CSMD3: variants seen among roughly 807,000 people sequenced by gnomAD.
CSMD3 encodes the protein CUB and sushi domain-containing protein 3.
CSMD3 carries 177 observed loss-of-function variants against 435.2 expected under a neutral mutation model. That is an observed-to-expected ratio of 0.41 (90% CI 0.36 to 0.46). The LOEUF (loss-of-function observed/expected upper bound fraction) is 0.46. Among genes scored for constraint, CSMD3 ranks in the 20% least tolerant of loss-of-function variants. The pLI, the probability that CSMD3 is intolerant of heterozygous loss-of-function variation, is 0.34. For missense variants in CSMD3, 4,265 were observed against 4,504.6 expected, an observed-to-expected ratio of 0.95 and a Z score of 1.52; for synonymous variants, 1,656 against 1,520.5, an observed-to-expected ratio of 1.09 and a Z score of -2.07.
In CSMD3 at chr8:113,065,957, C is replaced by T. The variant is rs535110420; in HGVS notation, c.917+32799G>A. ...TTTTATATTATTTATTATATTGCTC[C>T]ATATTATATACCATATTGGGTATGT... On this transcript the variant is annotated intron_variant, in intron 5 of 70. Transcript: ENST00000297405. Among the ~76,000 whole-genome samples, 2 of 150,820 alleles carry T rather than the reference C, an allele frequency of 1.3e-5. 1 individual carries two copies. Among genetic ancestry groups the T allele is most frequent in the South Asian group, 4.2e-4 (2 of 4,792 alleles).
chr8:112,394,821 T>C (rs900229875), intron 35 of CSMD3, among the ~76,000 whole-genome samples: 5 of 152,194 alleles, frequency 3.3e-5, no homozygotes, highest in Admixed American at 2.0e-4. Flanking sequence ...AAATGCAAAA[T>C]GTAAGGACAA....
intron 3 of CSMD3, among the ~76,000 whole-genome samples, chr8:113,273,749 G>A (rs1309632316): frequency 1.3e-5 from 2 of 152,050 alleles, no homozygotes; most frequent in East Asian, 1.9e-4. Flanking sequence ...CTCATTTGTA[G>A]TGTTTTCTGA....
chr8:113,014,407 C>T (rs991450465), intron 6 of CSMD3, among the ~76,000 whole-genome samples: 9 of 152,040 alleles, frequency 5.9e-5, no homozygotes, highest in Non-Finnish European at 1.0e-4. Flanking sequence ...GCCTCATATG[C>T]CTACCGCTTG....
intron 1 of CSMD3, among the ~76,000 whole-genome samples, chr8:113,378,022 T>C (rs182564814): frequency 3.0e-4 from 46 of 152,286 alleles, no homozygotes; most frequent in Admixed American, 5.9e-4. Context: ...TAAATAAGGC[T>C]GATACAATGA....
chr8:112,482,985 T>C (rs774611919), intron 31 of CSMD3, among the ~76,000 whole-genome samples: 1 of 152,194 alleles, frequency 6.6e-6, no homozygotes, highest in Non-Finnish European at 1.5e-5. Context: ...CTTTTCTGCA[T>C]ACTATTTGTA....
chr8:113,270,746 G>A (rs910777052), intron 3 of CSMD3, among the ~76,000 whole-genome samples: 6 of 150,326 alleles, frequency 4.0e-5, no homozygotes, highest in African/African-American at 1.5e-4. Flanking sequence ...AACACCGCAT[G>A]TTCTCACTAA....
At chr8:112,403,567 C>T (rs957758805) in intron 35 of CSMD3, among the ~76,000 whole-genome samples, 5 of 151,998 alleles carry the variant, frequency 3.3e-5, no homozygotes, top group Non-Finnish European at 5.9e-5. Context: ...AGGGCTTGCT[C>T]GGTGCTTCAT....
chr8:112,417,835 G>T (rs1469911073), intron 32 of CSMD3, among the ~76,000 whole-genome samples: 1 of 152,078 alleles, frequency 6.6e-6, no homozygotes, highest in African/African-American at 2.4e-5. Flanking sequence ...CATCACAAAA[G>T]AAATAGTTCC....
At chr8:112,455,330 T>C (rs966937074) in intron 32 of CSMD3, among the ~76,000 whole-genome samples, 1 of 152,082 alleles carries the variant, frequency 6.6e-6, no homozygotes, top group African/African-American at 2.4e-5. Context: ...AGCAATTTAA[T>C]GTAGGAGGAG....
intron 32 of CSMD3, among the ~76,000 whole-genome samples, chr8:112,435,800 T>C (rs1814266951): frequency 6.6e-6 from 1 of 151,996 alleles, no homozygotes. Flanking sequence ...CTGAAAACAA[T>C]GTGCATTTTT....
chr8:113,116,599 A>G (rs555229325), intron 4 of CSMD3, among the ~76,000 whole-genome samples: 5 of 152,282 alleles, frequency 3.3e-5, no homozygotes, highest in African/African-American at 1.2e-4. Flanking sequence ...GCAACTTTGG[A>G]ACTGGGTAAA....
intron 7 of CSMD3, among the ~76,000 whole-genome samples, chr8:112,955,783 A>T (rs2083993632): frequency 6.6e-6 from 1 of 151,948 alleles, no homozygotes; most frequent in Non-Finnish European, 1.5e-5. Flanking sequence ...TTTATAGTGA[A>T]GGATGACAGC....
intron 24 of CSMD3, among the ~76,000 whole-genome samples, chr8:112,563,256 A>C (rs2131259375): frequency 6.6e-6 from 1 of 152,008 alleles, no homozygotes; most frequent in South Asian, 2.1e-4. Context: ...CAAAAATCAA[A>C]CTTTAAAGCT....
intron 13 of CSMD3, among the ~76,000 whole-genome samples, chr8:112,730,591 C>T (rs1455766685): frequency 6.6e-6 from 1 of 152,100 alleles, no homozygotes; most frequent in Non-Finnish European, 1.5e-5. Flanking sequence ...TTAATTCCCT[C>T]TTTTTCATGC....
At chr8:113,279,699 T>C (rs781485901) in intron 2 of CSMD3, among the ~76,000 whole-genome samples, 1 of 151,784 alleles carries the variant, frequency 6.6e-6, no homozygotes, top group Non-Finnish European at 1.5e-5. Context: ...TTTCATATAA[T>C]AGCTGTATCA....
intron 31 of CSMD3, among the ~76,000 whole-genome samples, chr8:112,490,581 C>A (rs1241836781): frequency 6.6e-6 from 1 of 152,042 alleles, no homozygotes; most frequent in Non-Finnish European, 1.5e-5. Flanking sequence ...AATCATTTAT[C>A]CCTGCGATTA....
At chr8:113,340,724 T>A (rs1004506406) in intron 1 of CSMD3, among the ~76,000 whole-genome samples, 4 of 151,856 alleles carry the variant, frequency 2.6e-5, no homozygotes, top group Non-Finnish European at 4.4e-5. Context: ...ATACAAAAAA[T>A]TAGCCAGGTG....
rs562980236 is a variant in CSMD3 at position 113,103,382 on chromosome 8, G to A, written c.710-4419C>T. On this transcript the variant is annotated intron_variant, in intron 4 of 70. Transcript: ENST00000297405. ...CATTTAATTTTTCATATATGTATAT[G>A]TATACACATTTACATAGCCCAGATG... Among the ~76,000 whole-genome samples, 4 of 152,204 alleles carry A rather than the reference G, an allele frequency of 2.6e-5. No homozygotes were observed. The South Asian group carries it at 8.3e-4, about 31-fold the overall frequency.
intron 2 of CSMD3, among the ~76,000 whole-genome samples, chr8:113,303,719 C>G (rs1171624754): frequency 7.4e-6 from 1 of 135,612 alleles, no homozygotes; most frequent in Non-Finnish European, 1.6e-5. Context: ...ATGTAGAAAG[C>G]TGAAACTGGA....
Sources: allele counts gnomAD v4.1 joint callset (sites outside exome capture counted in the v4.1 genomes callset), GRCh38; gene constraint gnomAD v4.1.1; transcripts MANE v1.5; gene names NCBI Gene and HGNC (gene_info 2026-07-23, HGNC 2026-07-21).